Variants in CEP112 observed in about 807,000 individuals in gnomAD.
CEP112 encodes the protein centrosomal protein of 112 kDa.
Under a neutral mutation model 153.0 loss-of-function variants are expected in CEP112, and 127 were observed. The ratio of observed to expected loss-of-function variants is 0.83; its 90% confidence interval spans 0.72 to 0.96. CEP112 has a LOEUF of 0.96. Among genes scored for constraint, CEP112 ranks in the 40% least tolerant of loss-of-function variants. The pLI is 0.00. For missense variants in CEP112, 1,089 were observed against 1,101.2 expected, an observed-to-expected ratio of 0.99 and a Z score of 0.16; for synonymous variants, 358 against 374.4, an observed-to-expected ratio of 0.96 and a Z score of 0.51.
chr17:65,973,432 TA>T (rs1481206757), intron 17 of CEP112, among the ~76,000 whole-genome samples: 1 of 152,196 alleles, frequency 6.6e-6, no homozygotes, highest in Non-Finnish European at 1.5e-5. Context: ...CAACCCAATT[TA>T]AAAATGGACT....
chr17:66,110,294 T>C (rs990300443), intron 6 of CEP112, among the ~76,000 whole-genome samples: 40 of 150,500 alleles, frequency 2.7e-4, no homozygotes, highest in African/African-American at 9.5e-4. Context: ...ATTGCGCCAC[T>C]GCATTCCAGC....
chr17:65,722,057 T>C (rs1200258995), intron 23 of CEP112, among the ~76,000 whole-genome samples: 1 of 152,202 alleles, frequency 6.6e-6, no homozygotes, highest in African/African-American at 2.4e-5. Context: ...AGTGTTTTCA[T>C]TTTCTTGCGC....
At chr17:66,097,004 C>T (rs1410926362) in intron 6 of CEP112, among the ~76,000 whole-genome samples, 1 of 152,194 alleles carries the variant, frequency 6.6e-6, no homozygotes, top group South Asian at 2.1e-4. Context: ...GCCCTCCAAA[C>T]CCTGTAAGCA....
rs1484349612 is a variant in CEP112 at position 66,191,269 on chromosome 17, T to G, written c.-9+728A>C. On this transcript the variant is annotated intron_variant, in intron 1 of 26. Coordinates refer to ENST00000535342, the MANE Select transcript of CEP112 (RefSeq NM_001199165.4). This position sits in a 1 kb window ranked among gnomAD's most constrained non-coding sequence, Gnocchi z 4.2. ...ATTAATACCATGCATTCCACTAAGCTGCAGCCTGACCACTGTGGAGAGGCT... is the reference window on the plus strand; with the variant it reads ...ATTAATACCATGCATTCCACTAAGCGGCAGCCTGACCACTGTGGAGAGGCT... Among the ~76,000 whole-genome samples, 2 of 152,196 alleles carry G rather than the reference T, an allele frequency of 1.3e-5. No homozygotes were observed. The highest frequency in any genetic ancestry group is 4.8e-5 in the African/African-American group (2 of 41,454).
At chr17:65,865,363 T>G (rs1177791511) in intron 20 of CEP112, among the ~76,000 whole-genome samples, 1 of 152,152 alleles carries the variant, frequency 6.6e-6, no homozygotes, top group Admixed American at 6.5e-5. Context: ...TTGCAGTTGG[T>G]GTGCATGGCT....
At chr17:65,788,826 C>A (rs145087039) in intron 21 of CEP112, among the ~76,000 whole-genome samples, 19 of 152,124 alleles carry the variant, frequency 1.2e-4, no homozygotes, top group East Asian at 3.9e-4. Flanking sequence ...TCAAACTTTG[C>A]GTTTGCCGAA....
At chr17:65,807,402 C>T (rs531856010) in intron 21 of CEP112, among the ~76,000 whole-genome samples, 2 of 152,274 alleles carry the variant, frequency 1.3e-5, no homozygotes, top group African/African-American at 4.8e-5. Flanking sequence ...AAAAGAAAAA[C>T]CCATTTTTGG....
At chr17:65,779,260 T>TA (rs2053868889) in intron 21 of CEP112, among the ~76,000 whole-genome samples, 1 of 152,228 alleles carries the variant, frequency 6.6e-6, no homozygotes. Flanking sequence ...AGCAAGTTAC[T>TA]ATTAAGTAGT....
rs1021932238 is a variant in CEP112, at chr17:65,853,554, C to A, written c.2164-1520G>T. Among the ~76,000 whole-genome samples, 23 of 152,124 alleles carry A rather than the reference C, an allele frequency of 1.5e-4. 2 individuals carry two copies. In the East Asian group the frequency reaches 4.4e-3, roughly 29 times the overall value. The stretch of plus-strand genomic sequence containing the variant: ...GACCAGCCTGGCCAAGATGGTGAAA[C>A]CCCGTCTCTACTGAAAATGCAAAAA... On this transcript the variant is annotated intron_variant, in intron 20 of 26. Coordinates refer to ENST00000535342, the MANE Select transcript of CEP112 (RefSeq NM_001199165.4).
At chr17:65,651,460 T>C (rs1460002847) in intron 24 of CEP112, among the ~76,000 whole-genome samples, 1 of 152,214 alleles carries the variant, frequency 6.6e-6, no homozygotes, top group Non-Finnish European at 1.5e-5. Context: ...TACCCAGTAG[T>C]GGGATTGCTG....
chr17:65,690,287 G>A (rs1484869383), intron 23 of CEP112, among the ~76,000 whole-genome samples: 1 of 151,700 alleles, frequency 6.6e-6, no homozygotes, highest in Non-Finnish European at 1.5e-5. Flanking sequence ...TTAGCTGGGT[G>A]TGGGGGTGCA....
intron 20 of CEP112, among the ~76,000 whole-genome samples, chr17:65,898,972 C>A (rs1394168588): frequency 1.3e-5 from 2 of 152,106 alleles, no homozygotes; most frequent in Non-Finnish European, 2.9e-5. Flanking sequence ...ATCAAGGAAC[C>A]TATGTTCTAT....
At chr17:66,175,741 A>T (rs12450962) in intron 3 of CEP112, among the ~76,000 whole-genome samples, 26,919 of 152,180 alleles carry the variant, frequency 0.18, 2,594 homozygotes, top group Non-Finnish European at 0.22. Context: ...AGTTCTCTAA[A>T]CTTTCACATT....
intron 21 of CEP112, among the ~76,000 whole-genome samples, chr17:65,768,274 AAGT>A (rs2053122002): frequency 6.6e-6 from 1 of 152,130 alleles, no homozygotes; most frequent in African/African-American, 2.4e-5. Context: ...AATATTCATT[AAGT>A]GGGAAGTGGA....
intron 24 of CEP112, among the ~76,000 whole-genome samples, chr17:65,680,698 G>A (rs541624546): frequency 2.6e-4 from 40 of 152,260 alleles, no homozygotes; most frequent in Admixed American, 2.3e-3. Flanking sequence ...TTCTCACACT[G>A]CTATAAAGAT....
At chr17:66,080,715 A>G (rs371496750) in intron 8 of CEP112, among the ~76,000 whole-genome samples, 8 of 152,354 alleles carry the variant, frequency 5.3e-5, no homozygotes, top group African/African-American at 1.9e-4. Context: ...ACGAACATGT[A>G]TGTTTATTGC....
chr17:66,072,990 T>A, intron 8 of CEP112, among the ~76,000 whole-genome samples: 1 of 152,346 alleles, frequency 6.6e-6, no homozygotes, highest in Middle Eastern at 3.4e-3. Flanking sequence ...TGTGTTCATC[T>A]ATATAGTCTG....
intron 22 of CEP112, 111 bp downstream of exon 22, chr17:65,750,550 CA>C (rs547264760): frequency 1.2e-4 from 96 of 782,740 alleles, no homozygotes; most frequent in Middle Eastern, 2.5e-4. Context: ...TACCATTCCA[CA>C]AAAAAAAACT....
chr17:65,938,945 G>A (rs1050919546), intron 18 of CEP112, among the ~76,000 whole-genome samples: 1 of 152,022 alleles, frequency 6.6e-6, no homozygotes, highest in Non-Finnish European at 1.5e-5. Flanking sequence ...CTGAGTAGCT[G>A]GGATTACAGG....
Sources: gnomAD v4.1 joint callset for allele counts (sites outside exome capture counted in the v4.1 genomes callset) on GRCh38, gnomAD v4.1.1 for gene constraint, Gnocchi (gnomAD v3.1) non-coding constraint, MANE v1.5 for transcripts, NCBI Gene and HGNC (gene_info 2026-07-23, HGNC 2026-07-21) for gene names.